RIMS2: variants seen among roughly 807,000 people sequenced by gnomAD.
RIMS2 encodes regulating synaptic membrane exocytosis 2.
In RIMS2, 59 loss-of-function variants were observed where a neutral mutation model predicts 174.4. The observed-to-expected ratio is 0.34, with a 90% CI of 0.27 to 0.42. The LOEUF is 0.42. Ranked by LOEUF, RIMS2 falls within the 10% of genes least tolerant of loss-of-function variation. The pLI, the probability that RIMS2 is intolerant of heterozygous loss-of-function variation, is 1.00. For synonymous variants in RIMS2, 606 were observed against 572.5 expected (o/e 1.06, Z -0.84); for missense variants, 1,620 against 1,666.3 (o/e 0.97, Z 0.48).
At chr8:103,843,325 G>T (rs1027625963) in intron 3 of RIMS2, among the ~76,000 whole-genome samples, 9 of 151,954 alleles carry the variant, frequency 5.9e-5, no homozygotes, top group African/African-American at 2.2e-4. Context: ...TGCCCTTGTT[G>T]GATTTTGAAC....
At chr8:103,915,717 T>G (rs1386284797) in intron 7 of RIMS2, 123 bp downstream of exon 10, 1 of 461,890 alleles carries the variant, frequency 2.2e-6, no homozygotes, top group Non-Finnish European at 3.9e-6. Context: ...GATATAAATC[T>G]CTATTCATTA....
At chr8:103,767,400 A>G (rs1425931334) in intron 3 of RIMS2, among the ~76,000 whole-genome samples, 1 of 151,878 alleles carries the variant, frequency 6.6e-6, no homozygotes, top group Non-Finnish European at 1.5e-5. Flanking sequence ...GTTGGCTAGT[A>G]TGGTCTCAAT....
intron 16 of RIMS2, among the ~76,000 whole-genome samples, chr8:103,986,873 CAA>C (rs915445971): frequency 3.3e-5 from 4 of 121,646 alleles, no homozygotes; most frequent in Non-Finnish European, 6.9e-5. Flanking sequence ...AACTCCGTCT[CAA>C]AAAAAAAAAC....
intron 2 of RIMS2, among the ~76,000 whole-genome samples, chr8:103,722,593 A>C (rs7832743): frequency 0.011 from 1,663 of 152,256 alleles, 44 homozygotes; most frequent in African/African-American, 0.038. Flanking sequence ...TCAGATGGTA[A>C]TGCAAGGCGG....
chr8:103,619,997 A>G (rs2095598723), intron 1 of RIMS2, among the ~76,000 whole-genome samples: 1 of 152,134 alleles, frequency 6.6e-6, no homozygotes, highest in Non-Finnish European at 1.5e-5. Flanking sequence ...TTTGCATTTT[A>G]CCTATAACAA....
intron 15 of RIMS2, among the ~76,000 whole-genome samples, chr8:103,966,682 C>G (rs1295254652): frequency 1.3e-5 from 2 of 151,888 alleles, no homozygotes; most frequent in African/African-American, 4.8e-5. Context: ...TCTTCTTTTT[C>G]TAGATTCCTG....
At chr8:104,036,825 C>T (rs1489727619) in intron 19 of RIMS2, among the ~76,000 whole-genome samples, 4 of 151,990 alleles carry the variant, frequency 2.6e-5, no homozygotes, top group African/African-American at 9.7e-5. Context: ...TGCAGTGAGC[C>T]AAGATCGTGC....
At chr8:103,572,591 G>C (rs1450890747) in intron 1 of RIMS2, among the ~76,000 whole-genome samples, 1 of 150,740 alleles carries the variant, frequency 6.6e-6, no homozygotes, top group Non-Finnish European at 1.5e-5. Context: ...TTTTAATAAT[G>C]GCCATTGTGA....
intron 22 of RIMS2, 33 bp from the exon 29 acceptor site, chr8:104,250,991 T>C: frequency 1.9e-6 from 3 of 1,596,610 alleles, no homozygotes; most frequent in Non-Finnish European, 2.6e-6. Flanking sequence ...CCATAGTTTA[T>C]TGCTCATTCT....
chr8:103,804,630 G>A (rs1053391215), intron 3 of RIMS2, among the ~76,000 whole-genome samples: 2 of 152,160 alleles, frequency 1.3e-5, no homozygotes, highest in African/African-American at 4.8e-5. Context: ...GGAATAGATA[G>A]GAATATGTTT....
chr8:104,250,014 A>C (rs557826766), intron 22 of RIMS2, among the ~76,000 whole-genome samples: 6 of 152,334 alleles, frequency 3.9e-5, no homozygotes, highest in African/African-American at 1.4e-4. Flanking sequence ...GAGTAGCATA[A>C]GCTATGTATG....
intron 1 of RIMS2, among the ~76,000 whole-genome samples, chr8:103,524,707 A>C (rs529942550): frequency 9.5e-4 from 144 of 152,308 alleles, no homozygotes; most frequent in Non-Finnish European, 1.5e-3. Flanking sequence ...GAAAACCTAT[A>C]GTCCTGTTGA....
intron 1 of RIMS2, among the ~76,000 whole-genome samples, chr8:103,541,212 A>G (rs1842425408): frequency 6.6e-6 from 1 of 152,216 alleles, no homozygotes. Flanking sequence ...CAAACCATCA[A>G]AGACGCAGAG....
rs953884923 is a variant in RIMS2, at chr8:104,076,122, A to G, written c.3334+61507A>G. On this transcript the variant is annotated intron_variant, in intron 19 of 23. Coordinates refer to ENST00000504942, the Ensembl canonical transcript of RIMS2. ...TATTAAGCTAGCAAATAAGAGCAGC[A>G]TTATATAATATAGCTGTAGAATTGC... Among the ~76,000 whole-genome samples, 4 of 152,256 alleles carry G rather than the reference A, an allele frequency of 2.6e-5. No individual in the cohort carries two copies. In the South Asian group the frequency reaches 6.2e-4, roughly 24 times the overall value.
chr8:104,244,379 T>C (rs1477377584), intron 19 of RIMS2, among the ~76,000 whole-genome samples: 1 of 151,404 alleles, frequency 6.6e-6, no homozygotes, highest in Non-Finnish European at 1.5e-5. Context: ...AGATTCTTTT[T>C]CCTTCTAATA....
intron 1 of RIMS2, among the ~76,000 whole-genome samples, chr8:103,662,674 CTA>C (rs1210356247): frequency 9.8e-5 from 4 of 40,968 alleles, no homozygotes; most frequent in Admixed American, 2.3e-4. Context: ...TCAGAAGAGT[CTA>C]TCTATCTATC....
intron 1 of RIMS2, among the ~76,000 whole-genome samples, chr8:103,686,351 A>G (rs946497526): frequency 6.6e-6 from 1 of 152,140 alleles, no homozygotes; most frequent in African/African-American, 2.4e-5. Flanking sequence ...TGTGGTGGCT[A>G]GCATTTTCAG....
At chr8:104,145,607 C>A (rs1455343911) in intron 19 of RIMS2, among the ~76,000 whole-genome samples, 1 of 151,260 alleles carries the variant, frequency 6.6e-6, no homozygotes, top group African/African-American at 2.4e-5. Context: ...GGGAGCATCA[C>A]CTGAGGTCAG....
intron 1 of RIMS2, chr8:103,501,342 G>A (rs965507876): frequency 1.0e-5 from 2 of 198,640 alleles, no homozygotes; most frequent in Non-Finnish European, 1.0e-5. Context: ...TTCCTCGCTG[G>A]TCATCTTGGC....
Sources: allele counts gnomAD v4.1 joint callset (sites outside exome capture counted in the v4.1 genomes callset), GRCh38; gene constraint gnomAD v4.1.1; transcripts MANE v1.5; gene names NCBI Gene and HGNC (gene_info 2026-07-23, HGNC 2026-07-21).